The following KDM1A variants were observed in gnomAD, a reference collection of about 807,000 sequenced individuals.
KDM1A encodes lysine-specific histone demethylase 1A.
In KDM1A, 49 loss-of-function variants were observed where a neutral mutation model predicts 109.4. The ratio of observed to expected loss-of-function variants is 0.45; its 90% CI spans 0.36 to 0.57. The LOEUF (loss-of-function observed/expected upper bound fraction) is 0.57. Among genes scored for constraint, KDM1A ranks in the 20% least tolerant of loss-of-function variants. KDM1A has a pLI of 0.00. For missense variants in KDM1A, 668 were observed against 1,116.6 expected (o/e 0.60, Z 5.73); for synonymous variants, 380 against 415.4 (o/e 0.91, Z 1.04).
intron 2 of KDM1A, among the ~76,000 whole-genome samples, chr1:23,039,677 C>A (rs1642250012): frequency 6.6e-6 from 1 of 152,190 alleles, no homozygotes; most frequent in African/African-American, 2.4e-5. Flanking sequence ...CTGTGCTTTT[C>A]TCTTTATCTT....
At chr1:23,065,490 T>G (rs1156316520) in intron 9 of KDM1A, among the ~76,000 whole-genome samples, 2 of 152,204 alleles carry the variant, frequency 1.3e-5, no homozygotes, top group Non-Finnish European at 1.5e-5. Context: ...AATCTTAATG[T>G]TAGTGGGGAA....
At chr1:23,066,280 G>T (rs1019298674) in intron 10 of KDM1A, among the ~76,000 whole-genome samples, 3 of 152,170 alleles carry the variant, frequency 2.0e-5, no homozygotes, top group African/African-American at 7.2e-5. Flanking sequence ...TTTTTTGTGG[G>T]TGGTGTGGGT....
intron 2 of KDM1A, among the ~76,000 whole-genome samples, chr1:23,036,813 A>G (rs987167478): frequency 1.3e-5 from 2 of 152,102 alleles, no homozygotes; most frequent in Admixed American, 6.6e-5. Context: ...ATGGAGGGCA[A>G]ATTTTTTAAA....
At chr1:23,052,080 A>T (rs1319616105) in intron 4 of KDM1A, among the ~76,000 whole-genome samples, 1 of 151,912 alleles carries the variant, frequency 6.6e-6, no homozygotes, top group Non-Finnish European at 1.5e-5. Flanking sequence ...ATCTGAAGAG[A>T]GTTTTCACTT....
In KDM1A at chr1:23,033,834, G is replaced by GAGGTA. The variant is rs1642063250; in HGVS notation, c.517+3200_517+3201insAGGTA. ...TTAGGAGTGTCAGCGGTAGCCCTGA[G>GAGGTA]GTTTTTTGAGCAAGGGGGGTTACAC... On this transcript the variant is annotated intron_variant, in intron 2 of 20. Transcript: ENST00000400181. Among the ~76,000 whole-genome samples, 3 of 152,284 alleles carry GAGGTA rather than the reference G, an allele frequency of 2.0e-5. No homozygotes were observed. The South Asian group carries it at 6.2e-4, about 32-fold the overall frequency.
At chr1:23,039,012 T>C (rs1048262887) in intron 2 of KDM1A, among the ~76,000 whole-genome samples, 4 of 152,236 alleles carry the variant, frequency 2.6e-5, no homozygotes, top group Admixed American at 6.5e-5. Flanking sequence ...CAATTCCTTT[T>C]TGAAACTGTG....
intron 7 of KDM1A, among the ~76,000 whole-genome samples, chr1:23,056,983 G>C (rs1340362124): frequency 6.6e-6 from 1 of 151,824 alleles, no homozygotes; most frequent in African/African-American, 2.4e-5. Flanking sequence ...TCTGCCCCTG[G>C]GCATGGGGGT....
At chr1:23,058,047 G>A (rs1557559282) in intron 8 of KDM1A, 1 of 153,314 alleles carries the variant, frequency 6.5e-6, no homozygotes, top group African/African-American at 2.4e-5. Context: ...TTTGTTTCGA[G>A]ACATGGTCTC....
At chr1:23,076,814 T>C (rs562971756) in intron 15 of KDM1A, among the ~76,000 whole-genome samples, 52 of 151,990 alleles carry the variant, frequency 3.4e-4, no homozygotes, top group African/African-American at 1.2e-3. Flanking sequence ...ATACAAAAAC[T>C]AGCGGGGTGT....
In KDM1A at chr1:23,083,363, G is replaced by A; in HGVS notation, c.2630G>A (p.Ter877=). 1 of 1,610,896 alleles carries A rather than the reference G, an allele frequency of 6.2e-7. No individual in the cohort carries two copies. Among genetic ancestry groups the A allele is most frequent in the Non-Finnish European group, 8.5e-7 (1 of 1,178,144 alleles). Residue 877 remains the stop codon, a stop_retained_variant, in exon 21 of 21, where the codon TGA becomes TAA. Coordinates refer to ENST00000400181, the MANE Select transcript of KDM1A (RefSeq NM_001009999.3). ...GVPAQQSPSM[*] ...CCTGCACAGCAGTCCCCAAGCATGT[G>A]AGACAGATGCATTCTAAGGGAAGAG...
At chr1:23,042,419 T>TA (rs1252956497) in intron 2 of KDM1A, among the ~76,000 whole-genome samples, 8 of 143,722 alleles carry the variant, frequency 5.6e-5, no homozygotes, top group African/African-American at 5.2e-5. Flanking sequence ...CAACATTTTT[T>TA]AAAAATCTAT....
In KDM1A at chr1:23,083,293, T is replaced by C; in HGVS notation, c.2560T>C (p.Leu854=). 1 of 1,613,958 alleles carries C rather than the reference T, an allele frequency of 6.2e-7. No individual in the cohort carries two copies. The highest frequency in any genetic ancestry group is 1.1e-5 in the South Asian group (1 of 91,050). Residue 854 remains leucine, a synonymous_variant, in exon 21 of 21, where the codon TTG becomes CTG. Transcript: ENST00000400181. ...AGCGGGAAGAATTGCAGACCAGTTTTTGGGGGCCATGTATACGCTGCCTCG... is the reference window on the plus strand; with the variant it reads ...AGCGGGAAGAATTGCAGACCAGTTTCTGGGGGCCATGTATACGCTGCCTCG... ...REAGRIADQF[L]GAMYTLPRQA...
intron 3 of KDM1A, 61 bp downstream of exon 3, chr1:23,044,547 C>G: frequency 7.0e-7 from 1 of 1,434,770 alleles, no homozygotes; most frequent in Non-Finnish European, 9.5e-7. Flanking sequence ...GGAATTGATG[C>G]TTGCAAGTGT....
intron 1 of KDM1A, among the ~76,000 whole-genome samples, chr1:23,021,351 T>TA (rs928604141): frequency 2.6e-5 from 4 of 152,196 alleles, no homozygotes; most frequent in Admixed American, 1.3e-4. Context: ...AGAAGCCACG[T>TA]ATAAGATGTT....
At chr1:23,049,561 T>C (rs1642603226) in intron 3 of KDM1A, among the ~76,000 whole-genome samples, 1 of 151,808 alleles carries the variant, frequency 6.6e-6, no homozygotes, top group African/African-American at 2.4e-5. Flanking sequence ...AGCGGGTGCC[T>C]GTAATCCCAG....
intron 2 of KDM1A, among the ~76,000 whole-genome samples, chr1:23,038,318 T>C (rs1026962835): frequency 1.1e-4 from 16 of 152,148 alleles, no homozygotes; most frequent in Admixed American, 7.9e-4. Context: ...TAATAATCTT[T>C]TAAGTTAAAT....
intron 1 of KDM1A, among the ~76,000 whole-genome samples, chr1:23,025,882 A>G: frequency 6.6e-6 from 1 of 152,086 alleles, no homozygotes; most frequent in Non-Finnish European, 1.5e-5. Flanking sequence ...GATTGAGCCC[A>G]GGAGTTTGAT....
intron 1 of KDM1A, among the ~76,000 whole-genome samples, chr1:23,027,413 CTTTT>C (rs34416518): frequency 8.7e-6 from 1 of 115,294 alleles, no homozygotes; most frequent in Admixed American, 1.0e-4. Context: ...GTTTTGTTTG[CTTTT>C]TTTTTTTTTT....
Position 23,019,726 on chromosome 1 carries a change from C to T in KDM1A, c.130C>T (p.Leu44=). The T allele has an allele frequency of 1.5e-6, 2 of 1,328,664 alleles. No homozygotes were observed. The highest frequency in any genetic ancestry group is 1.9e-6 in the Non-Finnish European group (2 of 1,039,086). The allele number at this position is 1,328,664 out of a possible 1,614,324, so 82.3% of individuals were successfully genotyped here. A position where few individuals can be genotyped will look rare whatever the true frequency, so the allele number is the denominator to read the frequency against. Residue 44 remains leucine, a synonymous_variant, in exon 1 of 21, where the codon CTG becomes TTG. Transcript: ENST00000400181. ...TGAGGTGGCCGCGCAGCCCGCGGGC[C>T]TGTCGGGCCCAGCCGAGGTCGGGCC... ...GSEVAAQPAG[L]SGPAEVGPGA... is the part of the protein sequence containing the mutation.
Sources: gnomAD v4.1 joint callset for allele counts (sites outside exome capture counted in the v4.1 genomes callset) on GRCh38, gnomAD v4.1.1 for gene constraint, MANE v1.5 for transcripts, NCBI Gene and HGNC (gene_info 2026-07-23, HGNC 2026-07-21) for gene names.